ITSN1: variants seen among roughly 807,000 people sequenced by gnomAD.
ITSN1 encodes intersectin-1.
In ITSN1, 58 loss-of-function variants were observed where a neutral mutation model predicts 239.8. That is an observed-to-expected ratio of 0.24 (90% CI 0.20 to 0.30). The LOEUF is 0.30. ITSN1 is among the 10% of genes least tolerant of loss of function. ITSN1 has a pLI of 1.00. For synonymous variants in ITSN1, 780 were observed against 770.8 expected, an observed-to-expected ratio of 1.01 and a Z score of -0.20; for missense variants, 1,558 against 2,103.3, an observed-to-expected ratio of 0.74 and a Z score of 5.07.
chr21:33,737,700 A>C (rs778128312), intron 5 of ITSN1, among the ~76,000 whole-genome samples: 84 of 152,042 alleles, frequency 5.5e-4, no homozygotes, highest in Non-Finnish European at 2.8e-4. Flanking sequence ...CAGCCTCCCG[A>C]GTAGCTGGGA....
chr21:33,807,821 G>A lies in ITSN1; in HGVS notation c.2320-3154G>A, dbSNP rs138789394. ...GAAGGTAAACCTAGAGGGAGCAGAG[G>A]ACCAGGCAGTTAGAGCAGGGAACTC... On this transcript the variant is annotated intron_variant, in intron 20 of 39. Transcript: ENST00000381318. Among the ~76,000 whole-genome samples, 520 of 152,330 alleles carry A rather than the reference G, an allele frequency of 3.4e-3. 2 individuals carry two copies. The highest frequency in any genetic ancestry group is 6.8e-3 in the Middle Eastern group (2 of 294).
At chr21:33,789,994 T>G (rs1015891484) in intron 16 of ITSN1, among the ~76,000 whole-genome samples, 1 of 152,170 alleles carries the variant, frequency 6.6e-6, no homozygotes, top group Admixed American at 6.5e-5. Context: ...GGAAGAAAAT[T>G]AAAAGCAAGT....
chr21:33,883,483 A>G, intron 35 of ITSN1, 67 bp from the exon 36 acceptor site: 1 of 1,592,516 alleles, frequency 6.3e-7, no homozygotes, highest in Non-Finnish European at 8.6e-7. Flanking sequence ...GTGCTCACAC[A>G]CTCACGGTTT....
chr21:33,875,487 T>C lies in ITSN1; in HGVS notation c.4307T>C (p.Ile1436Thr). ...EKENSDRLEW[I>T]QAHVQCEGLS... Reference sequence around the variant, plus strand: ...GAGAACTCTGACCGGCTGGAGTGGATCCAGGCCCACGTGCAGTGTGAAGGC... The same window carrying C: ...GAGAACTCTGACCGGCTGGAGTGGACCCAGGCCCACGTGCAGTGTGAAGGC... The change falls in exon 34 of 40, where the codon ATC (isoleucine) becomes ACC (threonine). Residue 1436 changes from isoleucine (I) to threonine (T), a missense_variant. Coordinates refer to ENST00000381318, the MANE Select transcript of ITSN1 (RefSeq NM_003024.3). 2 of 1,614,104 alleles carry C rather than the reference T, an allele frequency of 1.2e-6. No homozygotes were observed. The highest frequency in any genetic ancestry group is 1.1e-5 in the South Asian group (1 of 91,080).
intron 1 of ITSN1, among the ~76,000 whole-genome samples, chr21:33,701,807 G>A (rs537506281): frequency 2.8e-4 from 42 of 150,672 alleles, no homozygotes; most frequent in Non-Finnish European, 5.2e-4. Flanking sequence ...AAAAAAAAAG[G>A]CCGGAATCCT....
At chr21:33,799,042 C>G (rs1038552180) in intron 18 of ITSN1, among the ~76,000 whole-genome samples, 2 of 152,116 alleles carry the variant, frequency 1.3e-5, no homozygotes, top group East Asian at 3.8e-4. Flanking sequence ...GATAATACTT[C>G]CCCCTCGTTG....
intron 33 of ITSN1, among the ~76,000 whole-genome samples, chr21:33,867,774 T>C (rs1981884292): frequency 6.6e-6 from 1 of 151,860 alleles, no homozygotes; most frequent in South Asian, 2.1e-4. Context: ...TGGAGTTTGT[T>C]CCTTCTGATG....
chr21:33,650,181 T>G (rs976392989), intron 1 of ITSN1, among the ~76,000 whole-genome samples: 6 of 152,226 alleles, frequency 3.9e-5, no homozygotes, highest in Non-Finnish European at 8.8e-5. Context: ...GGTGAGCATT[T>G]GATGTGTTCC....
At chr21:33,742,377 G>A (rs560427424) in intron 5 of ITSN1, among the ~76,000 whole-genome samples, 8 of 152,118 alleles carry the variant, frequency 5.3e-5, no homozygotes, top group African/African-American at 1.2e-4. Flanking sequence ...TTTTACACAA[G>A]TAATACATGC....
chr21:33,871,062 C>T (rs889982397), intron 33 of ITSN1, among the ~76,000 whole-genome samples: 2 of 151,498 alleles, frequency 1.3e-5, no homozygotes, highest in African/African-American at 4.9e-5. Flanking sequence ...ACCTGGCAGG[C>T]AGAGGTTGCA....
chr21:33,675,460 G>C (rs2090536053), intron 1 of ITSN1, among the ~76,000 whole-genome samples: 1 of 152,032 alleles, frequency 6.6e-6, no homozygotes, highest in Admixed American at 6.5e-5. Context: ...CCAGCTACTT[G>C]GGAGGCTGAG....
At chr21:33,755,469 T>C (rs759386455) in intron 8 of ITSN1, 72 bp downstream of exon 8, 2 of 821,166 alleles carry the variant, frequency 2.4e-6, no homozygotes, top group East Asian at 2.7e-5. Context: ...TATTGGGTCA[T>C]AGATATTTTC....
chr21:33,815,133 A>G (rs1203910828), intron 22 of ITSN1, among the ~76,000 whole-genome samples: 3 of 152,148 alleles, frequency 2.0e-5, no homozygotes, highest in Non-Finnish European at 2.9e-5. Context: ...GATCTGGAGG[A>G]TGGAAGAGAG....
intron 15 of ITSN1, among the ~76,000 whole-genome samples, 195 bp from the exon 16 acceptor site, chr21:33,781,799 G>A (rs1569167446): frequency 1.3e-5 from 2 of 152,040 alleles, no homozygotes; most frequent in East Asian, 1.9e-4. Flanking sequence ...GGCTGGTCTC[G>A]AACTCCTGAC....
intron 1 of ITSN1, among the ~76,000 whole-genome samples, chr21:33,668,518 G>A (rs571415221): frequency 3.3e-5 from 5 of 152,254 alleles, no homozygotes; most frequent in African/African-American, 9.6e-5. Context: ...CTTTACTACC[G>A]CAGATCCCTT....
intron 1 of ITSN1, among the ~76,000 whole-genome samples, chr21:33,718,025 T>C (rs2065264794): frequency 6.6e-6 from 1 of 152,188 alleles, no homozygotes; most frequent in African/African-American, 2.4e-5. Flanking sequence ...GTTTACAGGA[T>C]ATGGAGTTAG....
rs959289979 is a variant in ITSN1, at chr21:33,889,548, G to A, written c.*1248G>A. ...AATTTTTTTTTCCCTTAAATGCCAG[G>A]AGATCATCTGGTTAGTTAGATAGTA... On this transcript the variant is annotated 3_prime_UTR_variant, in exon 40 of 40. Coordinates refer to ENST00000381318, the MANE Select transcript of ITSN1 (RefSeq NM_003024.3). 5 of 152,142 alleles carry A rather than the reference G, an allele frequency of 3.3e-5. No individual in the cohort carries two copies. Among genetic ancestry groups the A allele is most frequent in the African/African-American group, 1.2e-4 (5 of 41,426 alleles). The allele number at this position is 152,142 out of a possible 1,614,324, so 9.4% of individuals were successfully genotyped here.
chr21:33,689,608 C>T (rs544688269), intron 1 of ITSN1, among the ~76,000 whole-genome samples: 1 of 152,224 alleles, frequency 6.6e-6, no homozygotes, highest in Non-Finnish European at 1.5e-5. Context: ...CTCAGGAGTT[C>T]GAGGCTACAG....
At chr21:33,749,098 C>T (rs545932752) in intron 5 of ITSN1, among the ~76,000 whole-genome samples, 2 of 151,630 alleles carry the variant, frequency 1.3e-5, no homozygotes, top group African/African-American at 4.8e-5. Context: ...AAGTGATCCT[C>T]CCACCTCAGC....
Sources: gnomAD v4.1 joint callset for allele counts (sites outside exome capture counted in the v4.1 genomes callset) on GRCh38, gnomAD v4.1.1 for gene constraint, MANE v1.5 for transcripts, NCBI Gene and HGNC (gene_info 2026-07-23, HGNC 2026-07-21) for gene names.